PLA2G4E: variants seen among roughly 807,000 people sequenced by gnomAD.
PLA2G4E encodes the protein phospholipase A2 group IVE, also known as cytosolic phospholipase A2 epsilon.
A neutral mutation model predicts 109.1 loss-of-function variants in PLA2G4E; 84 were observed. That is an observed-to-expected ratio of 0.77 (90% CI 0.65 to 0.92). The LOEUF (loss-of-function observed/expected upper bound fraction) is 0.92. Among genes scored for constraint, PLA2G4E ranks in the 40% least tolerant of loss-of-function variants. PLA2G4E has a pLI of 0.00. For synonymous variants in PLA2G4E, 469 were observed against 436.1 expected, an observed-to-expected ratio of 1.08 and a Z score of -0.94; for missense variants, 1,057 against 1,076.6, an observed-to-expected ratio of 0.98 and a Z score of 0.25.
At chr15:42,011,088 G>A (rs948121315) in intron 2 of PLA2G4E, among the ~76,000 whole-genome samples, 14 of 152,230 alleles carry the variant, frequency 9.2e-5, no homozygotes, top group African/African-American at 3.4e-4. Flanking sequence ...ACTGGGGTTG[G>A]CACCCCGAGA....
chr15:42,034,625 T>TCTCCTCCTCGGC (rs748764038), intron 1 of PLA2G4E, among the ~76,000 whole-genome samples: 2 of 152,194 alleles, frequency 1.3e-5, no homozygotes, highest in Non-Finnish European at 2.9e-5. Flanking sequence ...AACAATTAAA[T>TCTCCTCCTCGGC]CTCCTCCTCT....
intron 1 of PLA2G4E, among the ~76,000 whole-genome samples, chr15:42,037,696 G>C (rs546083652): frequency 1.8e-4 from 28 of 152,210 alleles, no homozygotes; most frequent in Non-Finnish European, 3.8e-4. Flanking sequence ...GCCCTTCAGG[G>C]AACCCAAACC....
Position 41,985,911 on chromosome 15 carries a change from C to T in PLA2G4E, c.2130G>A (p.Pro710=), listed in dbSNP as rs762994620. 2.7e-5 allele frequency: 44 copies of T among 1,608,750 alleles called. No homozygotes were observed. The East Asian group carries it at 4.0e-4, about 15-fold the overall frequency. The change falls in exon 18 of 20, where the codon CCG becomes CCA. Residue 710 remains proline (P), a synonymous_variant. Transcript: ENST00000399518. ...CTTTTCGCTCTGGCCTGAGGAGGGG[C>T]GGGTAGCTGGAGTTGACAAAGAACG... is the stretch of plus-strand genomic sequence containing the variant.
intron 1 of PLA2G4E, among the ~76,000 whole-genome samples, chr15:42,024,346 G>A (rs184026287): frequency 6.6e-5 from 10 of 152,318 alleles, no homozygotes; most frequent in Admixed American, 5.9e-4. Flanking sequence ...GGAGGGAACA[G>A]TTCCTTTCCA....
Position 42,006,119 on chromosome 15 carries a change from G to A in PLA2G4E, c.396C>T (p.Asn132=), listed in dbSNP as rs189566576. 7.3e-4 allele frequency: 1,183 copies of A among 1,613,558 alleles called. 7 individuals carry two copies. In the African/African-American group the frequency reaches 0.014, roughly 19 times the overall value. ...CATCACAGACACTCAACTCTAGCAC[G>A]TTCTAGGGGAGAAGGAAGGATGCCA... The change falls in exon 4 of 20, where the codon AAC becomes AAT. Residue 132 remains asparagine, a splice_region_variant and synonymous_variant. Transcript: ENST00000399518.
chr15:41,999,526 G>C, exon 10 of PLA2G4E: 1 of 1,600,972 alleles, frequency 6.2e-7, no homozygotes, highest in Non-Finnish European at 8.6e-7. Context: ...TACTATACCA[G>C]GGTGTAGACT....
At chr15:42,015,729 G>T (rs2068587318) in intron 1 of PLA2G4E, among the ~76,000 whole-genome samples, 1 of 152,220 alleles carries the variant, frequency 6.6e-6, no homozygotes, top group Non-Finnish European at 1.5e-5. Flanking sequence ...GGGGCCTCTG[G>T]CTGGCTCCAG....
At position 41,989,475 on chromosome 15, in the gene PLA2G4E, C is replaced by T. The variant is rs542717280; in HGVS notation, c.1663G>A (p.Glu555Lys). The T allele has an allele frequency of 3.6e-5, 58 of 1,613,968 alleles. No homozygotes were observed. The highest frequency in any genetic ancestry group is 8.3e-5 in the Admixed American group (5 of 60,020). Reference sequence around the variant, plus strand: ...TTCACCAGCCGCCCCATGAAGAACTCGGAGCCGAAGAGCTCGGAGGGGATG... The same window carrying T: ...TTCACCAGCCGCCCCATGAAGAACTTGGAGCCGAAGAGCTCGGAGGGGATG... The change falls in exon 15 of 20, where the codon GAG (glutamate) becomes AAG (lysine). Residue 555 changes from glutamate to lysine, a missense_variant. Transcript: ENST00000399518.
chr15:42,021,276 C>T (rs957494504), intron 1 of PLA2G4E, among the ~76,000 whole-genome samples: 1 of 151,914 alleles, frequency 6.6e-6, no homozygotes, highest in African/African-American at 2.4e-5. Context: ...CCCAGCCACT[C>T]AGAATGACCA....
At chr15:41,985,559 G>A (rs1473376464) in intron 18 of PLA2G4E, among the ~76,000 whole-genome samples, 2 of 152,234 alleles carry the variant, frequency 1.3e-5, no homozygotes, top group African/African-American at 4.8e-5. Context: ...CTCATTTTTT[G>A]TAGCTGAAGA....
At position 41,990,086 on chromosome 15, in the gene PLA2G4E, C is replaced by A. The variant is rs746081344; in HGVS notation, c.1585+35G>T. 21 of 1,575,714 alleles carry A rather than the reference C, an allele frequency of 1.3e-5. No homozygotes were observed. The Admixed American group carries it at 3.4e-4, about 25-fold the overall frequency. ...TTGCCCACCAAGAAGTCCCCCCCTCCACCCCACTTGTAAATCACCAGCCAC... is the reference window on the plus strand; with the variant it reads ...TTGCCCACCAAGAAGTCCCCCCCTCAACCCCACTTGTAAATCACCAGCCAC... On this transcript the variant is annotated intron_variant, in intron 14 of 19. Transcript: ENST00000399518.
intron 1 of PLA2G4E, among the ~76,000 whole-genome samples, chr15:42,044,497 T>G (rs1889376235): frequency 6.6e-6 from 1 of 152,016 alleles, no homozygotes; most frequent in South Asian, 2.1e-4. Context: ...GATTTTATCT[T>G]AAGAAACTGG....
chr15:41,991,035 G>T (rs1356791161), intron 13 of PLA2G4E, among the ~76,000 whole-genome samples: 3 of 152,080 alleles, frequency 2.0e-5, no homozygotes, highest in African/African-American at 7.2e-5. Flanking sequence ...AATGACATGT[G>T]GGTCTCCTTT....
chr15:41,988,013 A>G, intron 16 of PLA2G4E, 36 bp downstream of exon 16: 1 of 1,502,046 alleles, frequency 6.7e-7, no homozygotes, highest in African/African-American at 1.4e-5. Flanking sequence ...GGTGTCACCC[A>G]TCACCCAGCC....
intron 15 of PLA2G4E, 105 bp downstream of exon 15, chr15:41,989,310 C>T: frequency 6.7e-7 from 1 of 1,482,422 alleles, no homozygotes; most frequent in Non-Finnish European, 9.2e-7. Flanking sequence ...TAGGATGAGA[C>T]AATGCTGGCA....
intron 1 of PLA2G4E, among the ~76,000 whole-genome samples, chr15:42,036,782 C>A (rs1031381727): frequency 6.6e-6 from 1 of 152,136 alleles, no homozygotes; most frequent in African/African-American, 2.4e-5. Context: ...CTGGCGGGAG[C>A]CGGGAGCCGG....
At chr15:41,990,433 G>A (rs1047414885) in intron 13 of PLA2G4E, among the ~76,000 whole-genome samples, 198 bp from the exon 14 acceptor site, 2 of 152,108 alleles carry the variant, frequency 1.3e-5, no homozygotes, top group Admixed American at 1.3e-4. Context: ...CCCTCGGGCT[G>A]CCCACCACCA....
chr15:41,997,916 A>G (rs577497696), intron 10 of PLA2G4E: 8 of 150,628 alleles, frequency 5.3e-5, no homozygotes, highest in African/African-American at 2.0e-4. Flanking sequence ...TTTTAATCAC[A>G]TCCCTGCCCC....
chr15:42,019,897 G>C (rs1315261842), intron 1 of PLA2G4E, among the ~76,000 whole-genome samples: 3 of 152,204 alleles, frequency 2.0e-5, no homozygotes, highest in Non-Finnish European at 4.4e-5. Flanking sequence ...TGGGGTCCCG[G>C]GCTCTTAACT....
Sources: allele counts gnomAD v4.1 joint callset (sites outside exome capture counted in the v4.1 genomes callset), GRCh38; gene constraint gnomAD v4.1.1; transcripts MANE v1.5; gene names NCBI Gene and HGNC (gene_info 2026-07-23, HGNC 2026-07-21).